The following STK39 variants were observed in gnomAD, a reference collection of about 807,000 sequenced individuals.
The protein encoded by STK39 is serine/threonine kinase 39.
Under a neutral mutation model 77.8 loss-of-function variants are expected in STK39, and 20 were observed. That is an observed-to-expected ratio of 0.26 (90% confidence interval 0.18 to 0.37). The LOEUF (loss-of-function observed/expected upper bound fraction) is 0.37. Ranked by LOEUF, STK39 falls within the 10% of genes least tolerant of loss-of-function variation. The pLI, the probability that STK39 is intolerant of heterozygous loss-of-function variation, is 1.00. For synonymous variants in STK39, 246 were observed against 234.1 expected, an observed-to-expected ratio of 1.05 and a Z score of -0.47; for missense variants, 479 against 656.5, an observed-to-expected ratio of 0.73 and a Z score of 2.95.
At chr2:168,160,498 G>A (rs764343135) in intron 5 of STK39, among the ~76,000 whole-genome samples, 6 of 152,204 alleles carry the variant, frequency 3.9e-5, no homozygotes, top group Admixed American at 6.5e-5. Context: ...AGCAGCCATG[G>A]TAGAACAGCA....
intron 2 of STK39, among the ~76,000 whole-genome samples, chr2:168,169,493 G>A (rs1688769346): frequency 6.6e-6 from 1 of 152,096 alleles, no homozygotes; most frequent in South Asian, 2.1e-4. Context: ...AACAACTAAT[G>A]GTCATACAAA....
intron 14 of STK39, among the ~76,000 whole-genome samples, chr2:168,063,038 T>C (rs1574432234): frequency 1.3e-5 from 2 of 152,262 alleles, no homozygotes; most frequent in African/African-American, 4.8e-5. Flanking sequence ...TCTTTCAAAA[T>C]ATATCTGTCA....
intron 14 of STK39, among the ~76,000 whole-genome samples, chr2:168,061,050 G>C (rs2105380802): frequency 6.6e-6 from 1 of 152,238 alleles, no homozygotes; most frequent in East Asian, 1.9e-4. Context: ...AAAACTATCA[G>C]GTTAATTATT....
At chr2:167,976,554 T>C (rs1015837044) in intron 16 of STK39, among the ~76,000 whole-genome samples, 5 of 152,206 alleles carry the variant, frequency 3.3e-5, no homozygotes, top group Non-Finnish European at 7.3e-5. Context: ...GCCATGCCTG[T>C]AGATAACATC....
intron 5 of STK39, among the ~76,000 whole-genome samples, chr2:168,150,851 T>C (rs1270472583): frequency 1.3e-5 from 2 of 152,068 alleles, no homozygotes; most frequent in African/African-American, 2.4e-5. Flanking sequence ...ACCACCCATC[T>C]TGCTTGGGAG....
chr2:168,172,263 A>C (rs1688847682), intron 2 of STK39, among the ~76,000 whole-genome samples: 1 of 152,208 alleles, frequency 6.6e-6, no homozygotes, highest in Non-Finnish European at 1.5e-5. Flanking sequence ...ACTAAGCCTC[A>C]AAGGCACAGA....
chr2:168,194,247 C>T (rs936059221), intron 1 of STK39, among the ~76,000 whole-genome samples: 1 of 152,032 alleles, frequency 6.6e-6, no homozygotes, highest in Non-Finnish European at 1.5e-5. Context: ...AACCCCTTCT[C>T]TATTTAAAAA....
At chr2:168,061,222 G>A (rs1372893201) in intron 14 of STK39, among the ~76,000 whole-genome samples, 2 of 144,968 alleles carry the variant, frequency 1.4e-5, no homozygotes, top group Admixed American at 6.9e-5. Context: ...TGATTTAGGA[G>A]AAATATAGAG....
intron 10 of STK39, among the ~76,000 whole-genome samples, chr2:168,103,205 C>A (rs767733862): frequency 1.3e-5 from 2 of 152,140 alleles, no homozygotes; most frequent in Non-Finnish European, 2.9e-5. Flanking sequence ...ATGTGTATTT[C>A]GTAAACTAAT....
rs190437374 is a variant in STK39, at chr2:168,117,898, G to C, written c.1089+11643C>G. Reference sequence around the variant, plus strand: ...CCTATTAATGACAAGAAGCCATTGAGTTTTCAATCAGGGAGAAAAGACAGT... The same window carrying C: ...CCTATTAATGACAAGAAGCCATTGACTTTTCAATCAGGGAGAAAAGACAGT... On this transcript the variant is annotated intron_variant, in intron 10 of 17. Coordinates refer to ENST00000355999, the MANE Select transcript of STK39 (RefSeq NM_013233.3). Among the ~76,000 whole-genome samples, 354 of 152,212 alleles carry C rather than the reference G, an allele frequency of 2.3e-3. 4 individuals carry two copies. In the Middle Eastern group the frequency reaches 0.034, roughly 15 times the overall value.
chr2:167,958,051 G>T (rs1199673434), intron 17 of STK39, among the ~76,000 whole-genome samples: 1 of 152,144 alleles, frequency 6.6e-6, no homozygotes, highest in African/African-American at 2.4e-5. Flanking sequence ...CTCTCAGCTT[G>T]CAAAGCACAA....
In STK39 at chr2:168,150,353, T is replaced by C. The variant is rs548887468; in HGVS notation, c.629-9595A>G. 4.6e-5 allele frequency among the ~76,000 whole-genome samples: 7 copies of C among 152,290 alleles called. No individual in the cohort carries two copies. In the South Asian group the frequency reaches 1.5e-3, roughly 32 times the overall value. On this transcript the variant is annotated intron_variant, in intron 5 of 17. Transcript: ENST00000355999. ...AACATAAATCATATCCCACACAGAA[T>C]TGTCTAACCCAGCGATTCTCAACTA...
chr2:168,154,129 T>TAGGATGTAGGGTCCAAGAGAACGACA (rs1173347556), intron 5 of STK39, among the ~76,000 whole-genome samples: 1 of 152,160 alleles, frequency 6.6e-6, no homozygotes, highest in Non-Finnish European at 1.5e-5. Context: ...ACATATTGGA[T>TAGGATGTAGGGTCCAAGAGAACGACA]AGGATGTAGG....
At chr2:168,068,212 AG>A (rs1393506635) in intron 12 of STK39, among the ~76,000 whole-genome samples, 1 of 152,184 alleles carries the variant, frequency 6.6e-6, no homozygotes, top group Non-Finnish European at 1.5e-5. Context: ...ACCATATCAG[AG>A]GAGGAGGCAG....
chr2:168,014,967 T>C (rs752646658), intron 15 of STK39, among the ~76,000 whole-genome samples: 1 of 152,206 alleles, frequency 6.6e-6, no homozygotes, highest in South Asian at 2.1e-4. Context: ...GGGCACCAGA[T>C]GAGTCATACC....
chr2:168,151,849 G>A (rs140119474), intron 5 of STK39, among the ~76,000 whole-genome samples: 1,769 of 152,210 alleles, frequency 0.012, 22 homozygotes, highest in South Asian at 0.033. Flanking sequence ...GGCTTAAAAG[G>A]GACAAAAAGA....
At chr2:168,005,174 T>G (rs1253408602) in intron 16 of STK39, among the ~76,000 whole-genome samples, 2 of 151,886 alleles carry the variant, frequency 1.3e-5, no homozygotes, top group African/African-American at 4.8e-5. Flanking sequence ...TGCAGCTAAT[T>G]TTTGTATTTT....
intron 14 of STK39, among the ~76,000 whole-genome samples, chr2:168,026,646 A>G (rs1402575875): frequency 1.3e-5 from 2 of 152,144 alleles, no homozygotes; most frequent in African/African-American, 4.8e-5. Context: ...GGGTGAGGGG[A>G]GGTGCAATCT....
intron 1 of STK39, among the ~76,000 whole-genome samples, chr2:168,193,077 C>T (rs983220197): frequency 1.3e-5 from 2 of 152,170 alleles, no homozygotes; most frequent in African/African-American, 4.8e-5. Flanking sequence ...ACAGCCCTGG[C>T]TACCACATCC....
Sources: allele counts gnomAD v4.1 joint callset (sites outside exome capture counted in the v4.1 genomes callset), GRCh38; gene constraint gnomAD v4.1.1; transcripts MANE v1.5; gene names NCBI Gene and HGNC (gene_info 2026-07-23, HGNC 2026-07-21).